The following SORCS1 variants were observed in gnomAD, a reference collection of about 807,000 sequenced individuals.
SORCS1 encodes the protein sortilin related VPS10 domain containing receptor 1.
A neutral mutation model predicts 146.1 loss-of-function variants in SORCS1; 60 were observed. The ratio of observed to expected loss-of-function variants is 0.41; its 90% CI spans 0.33 to 0.51. SORCS1 has a LOEUF of 0.51. SORCS1 is among the 20% of genes least tolerant of loss of function. SORCS1 has a pLI of 0.21. For synonymous variants in SORCS1, 637 were observed against 584.0 expected, an observed-to-expected ratio of 1.09 and a Z score of -1.31; for missense variants, 1,352 against 1,487.6, an observed-to-expected ratio of 0.91 and a Z score of 1.50.
chr10:106,772,506 C>T (rs899833150), intron 4 of SORCS1, among the ~76,000 whole-genome samples: 1 of 152,100 alleles, frequency 6.6e-6, no homozygotes, highest in South Asian at 2.1e-4. Flanking sequence ...CTCTCTCTCT[C>T]TCCTCCCCTT....
At position 106,867,573 on chromosome 10, in the gene SORCS1, G is replaced by A. The variant is rs543858386; in HGVS notation, c.627-37900C>T. 1.8e-4 allele frequency among the ~76,000 whole-genome samples: 27 copies of A among 152,082 alleles called. No homozygotes were observed. The South Asian group carries it at 2.7e-3, about 15-fold the overall frequency. ...GCTGGGATTACAGGCGTGAGCCACC[G>A]CACCCGGCCATATTCAACATTCTTA... is the stretch of plus-strand genomic sequence containing the variant. On this transcript the variant is annotated intron_variant, in intron 2 of 25. Coordinates refer to ENST00000263054, the MANE Select transcript of SORCS1 (RefSeq NM_052918.5).
intron 5 of SORCS1, among the ~76,000 whole-genome samples, chr10:106,745,979 T>G (rs1857709967): frequency 6.6e-6 from 1 of 152,330 alleles, no homozygotes; most frequent in Admixed American, 6.5e-5. Flanking sequence ...AATATCAGAC[T>G]AACTAACCCA....
Position 106,688,312 on chromosome 10 carries a change from C to T in SORCS1, c.1440G>A (p.Leu480=), listed in dbSNP as rs1362888184. Residue 480 remains leucine (L), a synonymous_variant, in exon 10 of 26, where the codon TTG becomes TTA. Coordinates refer to ENST00000263054, the MANE Select transcript of SORCS1 (RefSeq NM_052918.5). The part of the protein sequence containing the change: ...YEVAGIKGMF[L]ANKKIDNQVK... ...CTTGGTTGTCAATCTTCTTGTTAGCCAAGAACATTCCCTTTATCCCTGCTA... is the reference window on the plus strand; with the variant it reads ...CTTGGTTGTCAATCTTCTTGTTAGCTAAGAACATTCCCTTTATCCCTGCTA... 6.2e-7 allele frequency: 1 copy of T among 1,613,644 alleles called. No homozygotes were observed. Among genetic ancestry groups the T allele is most frequent in the Non-Finnish European group, 8.5e-7 (1 of 1,179,768 alleles).
intron 1 of SORCS1, among the ~76,000 whole-genome samples, chr10:107,006,881 CA>C (rs1317851120): frequency 2.0e-5 from 3 of 151,806 alleles, no homozygotes; most frequent in African/African-American, 7.3e-5. Context: ...CTATTATTCT[CA>C]TTCCTTTTAA....
At chr10:106,704,946 T>G (rs1369890711) in intron 8 of SORCS1, among the ~76,000 whole-genome samples, 1 of 152,200 alleles carries the variant, frequency 6.6e-6, no homozygotes, top group Non-Finnish European at 1.5e-5. Context: ...CTCTGTTGTA[T>G]TTATTGAGTT....
intron 1 of SORCS1, among the ~76,000 whole-genome samples, chr10:107,030,235 TA>T (rs1306847072): frequency 6.6e-6 from 1 of 152,178 alleles, no homozygotes; most frequent in Non-Finnish European, 1.5e-5. Context: ...ATAGCATTAT[TA>T]AAAGTAACAG....
intron 2 of SORCS1, among the ~76,000 whole-genome samples, chr10:106,866,373 G>A (rs111497110): frequency 7.9e-5 from 12 of 152,156 alleles, no homozygotes; most frequent in African/African-American, 2.2e-4. Flanking sequence ...GCACAGACCC[G>A]CTATCCTGAG....
At chr10:106,955,338 C>T (rs1589784754) in intron 2 of SORCS1, among the ~76,000 whole-genome samples, 1 of 152,260 alleles carries the variant, frequency 6.6e-6, no homozygotes, top group African/African-American at 2.4e-5. Flanking sequence ...CCAGCCACAG[C>T]CTTGCACAGA....
chr10:107,087,838 G>A (rs536847376), intron 1 of SORCS1, among the ~76,000 whole-genome samples: 2 of 152,358 alleles, frequency 1.3e-5, no homozygotes, highest in Non-Finnish European at 2.9e-5. Flanking sequence ...CATAGCTCCT[G>A]CCTGTTTCCC....
chr10:107,120,378 T>C (rs1966323365), intron 1 of SORCS1, among the ~76,000 whole-genome samples: 1 of 152,202 alleles, frequency 6.6e-6, no homozygotes, highest in African/African-American at 2.4e-5. Context: ...ATAAAAAAAT[T>C]CACTGCCTGT....
At chr10:106,714,965 G>C (rs1034331572) in intron 6 of SORCS1, among the ~76,000 whole-genome samples, 1 of 152,190 alleles carries the variant, frequency 6.6e-6, no homozygotes, top group African/African-American at 2.4e-5. Flanking sequence ...ACCACTTCTT[G>C]CTCTGAGTGG....
chr10:106,650,655 T>C (rs988360727), intron 18 of SORCS1, among the ~76,000 whole-genome samples: 2 of 152,182 alleles, frequency 1.3e-5, no homozygotes, highest in African/African-American at 4.8e-5. Flanking sequence ...AACACCTGTT[T>C]AGCCAACACT....
intron 1 of SORCS1, among the ~76,000 whole-genome samples, chr10:106,985,818 A>AGCC (rs78085534): frequency 0.049 from 7,532 of 152,174 alleles, 300 homozygotes; most frequent in East Asian, 0.2. Flanking sequence ...TACAGGTATC[A>AGCC]GCCACCGAGC....
At chr10:107,071,155 T>C (rs964818290) in intron 1 of SORCS1, among the ~76,000 whole-genome samples, 2 of 152,124 alleles carry the variant, frequency 1.3e-5, no homozygotes, top group Non-Finnish European at 2.9e-5. Context: ...GCATGGACCC[T>C]GGCAGAGAAA....
intron 3 of SORCS1, among the ~76,000 whole-genome samples, chr10:106,791,955 T>A (rs1489612722): frequency 6.6e-6 from 1 of 152,234 alleles, no homozygotes; most frequent in Non-Finnish European, 1.5e-5. Flanking sequence ...TTATGTTTAC[T>A]CACTTGAAAT....
At chr10:106,917,842 A>G (rs536184452) in intron 2 of SORCS1, among the ~76,000 whole-genome samples, 2 of 152,366 alleles carry the variant, frequency 1.3e-5, no homozygotes, top group East Asian at 3.9e-4. Flanking sequence ...CAGAACAAAT[A>G]TCTAAAAATA....
intron 1 of SORCS1, among the ~76,000 whole-genome samples, chr10:106,995,598 A>G (rs1956957860): frequency 6.6e-6 from 1 of 152,146 alleles, no homozygotes; most frequent in Non-Finnish European, 1.5e-5. Context: ...CATGTTCATA[A>G]AAGTTATCCG....
chr10:106,879,942 T>C (rs1465219624), intron 2 of SORCS1, among the ~76,000 whole-genome samples: 3 of 152,236 alleles, frequency 2.0e-5, no homozygotes, highest in Non-Finnish European at 4.4e-5. Flanking sequence ...GGACTTCTGA[T>C]CTACAGAATT....
chr10:107,038,700 G>GGGC (rs1554927935), intron 1 of SORCS1, among the ~76,000 whole-genome samples: 1 of 19,176 alleles, frequency 5.2e-5, no homozygotes, highest in Non-Finnish European at 1.2e-4. Context: ...AGGGGGCGGG[G>GGGC]GGGGAGGTGG....
Sources: allele counts gnomAD v4.1 joint callset (sites outside exome capture counted in the v4.1 genomes callset), GRCh38; gene constraint gnomAD v4.1.1; transcripts MANE v1.5; gene names NCBI Gene and HGNC (gene_info 2026-07-23, HGNC 2026-07-21).